JMJD1C: variants seen among roughly 807,000 people sequenced by gnomAD.
The protein encoded by JMJD1C is jumonji domain-containing protein 1C.
Under a neutral mutation model 245.3 loss-of-function variants are expected in JMJD1C, and 31 were observed. That is an observed-to-expected ratio of 0.13 (90% CI 0.09 to 0.17). The LOEUF is 0.17. JMJD1C is among the 10% of genes least tolerant of loss of function. The probability of loss-of-function intolerance (pLI) is 1.00; values close to 1 mark genes in which losing one functional copy is unlikely to be tolerated. For missense variants in JMJD1C, 2,691 were observed against 3,000.2 expected (o/e 0.90, Z 2.41); for synonymous variants, 1,057 against 1,017.4 (o/e 1.04, Z -0.74).
chr10:63,203,673 A>C (rs1470908553), intron 10 of JMJD1C: 10 of 982,966 alleles, frequency 1.0e-5, no homozygotes, highest in Non-Finnish European at 1.2e-5. Context: ...ACTTTTAATT[A>C]AGAGAAACAA....
chr10:63,295,909 G>A (rs369045188), intron 2 of JMJD1C, among the ~76,000 whole-genome samples: 19 of 147,334 alleles, frequency 1.3e-4, no homozygotes, highest in South Asian at 1.3e-3. Context: ...ACATGAATAC[G>A]TGTATGTATA....
At chr10:63,445,891 T>TTTC (rs1554940074) in intron 1 of JMJD1C, among the ~76,000 whole-genome samples, 4 of 115,166 alleles carry the variant, frequency 3.5e-5, no homozygotes, top group African/African-American at 1.0e-4. Context: ...TTTTTTTTTT[T>TTTC]CCAGACAGAG....
intron 1 of JMJD1C, among the ~76,000 whole-genome samples, chr10:63,385,343 A>G (rs900911960): frequency 2.7e-5 from 4 of 150,516 alleles, no homozygotes; most frequent in Non-Finnish European, 5.9e-5. Flanking sequence ...TTCCACGTGC[A>G]GATGGAAAAA....
At position 63,208,289 on chromosome 10, in the gene JMJD1C, G is replaced by T; in HGVS notation, c.3380C>A (p.Ala1127Glu). Residue 1127 changes from alanine (A) to glutamate (E), a missense_variant, in exon 10 of 26, where the codon GCA becomes GAA. Physicochemically the swap from Ala to Glu is moderately radical, Grantham distance 107. Coordinates refer to ENST00000399262, the MANE Select transcript of JMJD1C (RefSeq NM_032776.3). ...AGTTTGAGGATTAGCTGCTGCCGCT[G>T]CAAGGGCATTACTCTGTTTATCACC... is the stretch of plus-strand genomic sequence containing the variant. ...IYGDKQSNAL[A>E]AAAANPQTLT... 6.2e-7 allele frequency: 1 copy of T among 1,614,068 alleles called. No homozygotes were observed. The highest frequency in any genetic ancestry group is 8.5e-7 in the Non-Finnish European group (1 of 1,179,984).
intron 1 of JMJD1C, chr10:63,428,005 G>A (rs1950540743): frequency 8.9e-6 from 6 of 671,846 alleles, no homozygotes; most frequent in Admixed American, 4.5e-5. Flanking sequence ...CCCCCTCTGT[G>A]CTGTCCACTG....
At chr10:63,435,671 G>C (rs946820015) in intron 1 of JMJD1C, among the ~76,000 whole-genome samples, 1 of 152,120 alleles carries the variant, frequency 6.6e-6, no homozygotes, top group East Asian at 1.9e-4. Context: ...AGGCTGAGGC[G>C]CGTGGACTGG....
chr10:63,220,529 G>A lies in JMJD1C; in HGVS notation c.448-546C>T, dbSNP rs187613820. 4.7e-3 allele frequency among the ~76,000 whole-genome samples: 714 copies of A among 152,250 alleles called. 7 individuals are homozygous for A. The highest frequency in any genetic ancestry group is 0.019 in the South Asian group (91 of 4,826). On this transcript the variant is annotated intron_variant, in intron 3 of 25. Transcript: ENST00000399262. ...AAAAATTTTATTTCTTGAAACTAGC[G>A]CCAAAGCATCCAGACAATTAAAATT...
chr10:63,291,714 A>T (rs1424376019), intron 2 of JMJD1C, among the ~76,000 whole-genome samples: 1 of 152,112 alleles, frequency 6.6e-6, no homozygotes, highest in African/African-American at 2.4e-5. Context: ...TATGGCCTCA[A>T]ACTCTTGCCT....
intron 1 of JMJD1C, among the ~76,000 whole-genome samples, chr10:63,512,772 T>C (rs1954909368): frequency 6.6e-6 from 1 of 152,196 alleles, no homozygotes; most frequent in Admixed American, 6.5e-5. Context: ...ACTTAAAATA[T>C]TGCTTCTGTT....
At chr10:63,327,842 A>AT (rs955967629) in intron 2 of JMJD1C, among the ~76,000 whole-genome samples, 5 of 151,770 alleles carry the variant, frequency 3.3e-5, no homozygotes, top group South Asian at 2.1e-4. Context: ...CTAATTTTGT[A>AT]TTTTTTTAGT....
At chr10:63,233,401 T>TA (rs1003521166) in intron 3 of JMJD1C, among the ~76,000 whole-genome samples, 3 of 151,662 alleles carry the variant, frequency 2.0e-5, no homozygotes, top group African/African-American at 4.8e-5. Flanking sequence ...AAATTAGACT[T>TA]AAAAAAAAAT....
At chr10:63,432,052 G>A (rs549244431) in intron 1 of JMJD1C, among the ~76,000 whole-genome samples, 24 of 152,084 alleles carry the variant, frequency 1.6e-4, no homozygotes, top group Non-Finnish European at 2.5e-4. Flanking sequence ...TAACTGTTGC[G>A]CCTTGAGTTC....
chr10:63,249,664 G>A (rs1852771239), intron 3 of JMJD1C, among the ~76,000 whole-genome samples: 1 of 152,090 alleles, frequency 6.6e-6, no homozygotes, highest in Non-Finnish European at 1.5e-5. Flanking sequence ...TTCCAGACCA[G>A]CCTGTCCAAT....
chr10:63,429,213 A>G (rs10761765), intron 1 of JMJD1C, among the ~76,000 whole-genome samples: 100,240 of 151,992 alleles, frequency 0.66, 35,990 homozygotes, highest in Non-Finnish European at 0.81. Context: ...TCCTGACCTC[A>G]GGTGATCCAC....
chr10:63,394,206 C>T (rs1371338331), intron 1 of JMJD1C, among the ~76,000 whole-genome samples: 5 of 134,908 alleles, frequency 3.7e-5, no homozygotes, highest in African/African-American at 8.0e-5. Flanking sequence ...AAAAAAAAGG[C>T]TACAATAAAG....
At chr10:63,331,129 AAATAT>A (rs1278790019) in intron 2 of JMJD1C, among the ~76,000 whole-genome samples, 1 of 152,194 alleles carries the variant, frequency 6.6e-6, no homozygotes, top group Non-Finnish European at 1.5e-5. Context: ...CCAACATTTA[AAATAT>A]AATATGCTAA....
In JMJD1C at chr10:63,168,452, A is replaced by C. The variant is rs1842049962; in HGVS notation, c.7516T>G (p.Tyr2506Asp). Residue 2506 changes from tyrosine (Y) to aspartate (D), a missense_variant, in exon 25 of 26, where the codon TAT becomes GAT. This residue lies in a region of JMJD1C where 232 missense variants were observed against 416.1 expected (regional missense o/e 0.56). Transcript: ENST00000399262. ...ACTCTTACCTGTAGTTTATCATCATAATTGATTTCTTCCTTCAAAAGTCTC... is the reference window on the plus strand; with the variant it reads ...ACTCTTACCTGTAGTTTATCATCATCATTGATTTCTTCCTTCAAAAGTCTC... ...ELRLLKEEIN[Y>D]DDKLQVKNIL... is the part of the protein sequence containing the mutation. The C allele has an allele frequency of 1.2e-6, 2 of 1,608,356 alleles. No individual in the cohort carries two copies. Among genetic ancestry groups the C allele is most frequent in the African/African-American group, 1.3e-5 (1 of 74,604 alleles).
chr10:63,285,721 T>C (rs1489128812), intron 2 of JMJD1C, among the ~76,000 whole-genome samples: 2 of 152,046 alleles, frequency 1.3e-5, no homozygotes, highest in African/African-American at 4.8e-5. Flanking sequence ...GTTGGGAGAA[T>C]CACCTGAGCC....
intron 2 of JMJD1C, among the ~76,000 whole-genome samples, chr10:63,308,737 C>A (rs1589440046): frequency 2.0e-5 from 2 of 101,724 alleles, no homozygotes; most frequent in Non-Finnish European, 2.0e-5. Context: ...GAAATGACAA[C>A]ATCCATTTGA....
Sources: gnomAD v4.1 joint callset for allele counts (sites outside exome capture counted in the v4.1 genomes callset) on GRCh38, gnomAD v4.1.1 for gene constraint, gnomAD v4.1.1 regional missense constraint, MANE v1.5 for transcripts, NCBI Gene and HGNC (gene_info 2026-07-23, HGNC 2026-07-21) for gene names.